TBC1D19: variants seen among roughly 807,000 people sequenced by gnomAD.
TBC1D19 encodes the protein TBC1 domain family member 19, also known as TBC1 domain family, member 19.
A neutral mutation model predicts 89.0 loss-of-function variants in TBC1D19; 60 were observed. That is an observed-to-expected ratio of 0.67 (90% CI 0.55 to 0.84). The LOEUF (loss-of-function observed/expected upper bound fraction) is 0.84. Ranked by LOEUF, TBC1D19 falls within the 40% of genes least tolerant of loss-of-function variation. TBC1D19 has a pLI of 0.00. For missense variants in TBC1D19, 500 were observed against 610.8 expected (o/e 0.82, Z 1.91); for synonymous variants, 189 against 199.7 (o/e 0.95, Z 0.45).
intron 15 of TBC1D19, among the ~76,000 whole-genome samples, chr4:26,725,966 A>G (rs943290449): frequency 6.6e-6 from 1 of 152,212 alleles, no homozygotes; most frequent in African/African-American, 2.4e-5. Flanking sequence ...AAAAATACAC[A>G]TGTATCTGAC....
chr4:26,765,165 G>A, the TBC1D19 span, among the ~76,000 whole-genome samples: 5 of 152,076 alleles, frequency 3.3e-5, no homozygotes, highest in Non-Finnish European at 5.9e-5. Flanking sequence ...GGATGGAGGC[G>A]GAAGAGTAGT....
chr4:26,799,082 A>G, the TBC1D19 span, among the ~76,000 whole-genome samples: 14 of 152,238 alleles, frequency 9.2e-5, no homozygotes, highest in Non-Finnish European at 1.9e-4. Flanking sequence ...AGGAGGAATT[A>G]GGTATTAAGT....
chr4:26,831,843 G>A, the TBC1D19 span, among the ~76,000 whole-genome samples: 10 of 151,916 alleles, frequency 6.6e-5, no homozygotes, highest in Admixed American at 3.3e-4. Context: ...TGCCCACCTC[G>A]GCAGATCAAA....
At chr4:26,652,583 G>T (rs554581793) in intron 7 of TBC1D19, among the ~76,000 whole-genome samples, 89 of 152,226 alleles carry the variant, frequency 5.8e-4, no homozygotes, top group African/African-American at 2.1e-3. Flanking sequence ...CTTCTTCCTG[G>T]TTTAGTCTTG....
At chr4:26,638,210 C>T (rs1743256556) in intron 5 of TBC1D19, among the ~76,000 whole-genome samples, 1 of 151,742 alleles carries the variant, frequency 6.6e-6, no homozygotes, top group South Asian at 2.1e-4. Context: ...ACTTCATTCT[C>T]CCTACCTGCT....
chr4:26,808,224 A>T, the TBC1D19 span, among the ~76,000 whole-genome samples: 12 of 152,344 alleles, frequency 7.9e-5, no homozygotes, highest in African/African-American at 2.9e-4. Context: ...AAGCAGAAGA[A>T]TATGGAATGT....
chr4:26,710,807 T>C (rs1369655743), intron 13 of TBC1D19, among the ~76,000 whole-genome samples: 1 of 152,146 alleles, frequency 6.6e-6, no homozygotes, highest in Non-Finnish European at 1.5e-5. Context: ...TCATGTGTGT[T>C]TTGGCTGCCT....
chr4:26,658,417 G>T (rs972583756), intron 7 of TBC1D19, among the ~76,000 whole-genome samples: 1 of 152,102 alleles, frequency 6.6e-6, no homozygotes, highest in Non-Finnish European at 1.5e-5. Context: ...TGTTGTTTTG[G>T]TGGCCTCTGT....
At chr4:26,729,846 A>G (rs1013641223) in intron 15 of TBC1D19, among the ~76,000 whole-genome samples, 3 of 152,214 alleles carry the variant, frequency 2.0e-5, no homozygotes, top group Admixed American at 1.3e-4. Flanking sequence ...TGTCATATTT[A>G]TTTTAATATC....
chr4:26,742,064 G>A (rs1055019928), intron 17 of TBC1D19, among the ~76,000 whole-genome samples: 4 of 152,176 alleles, frequency 2.6e-5, no homozygotes, highest in African/African-American at 4.8e-5. Flanking sequence ...GAGTGAGGCT[G>A]GAGGGGAAGG....
At chr4:26,662,444 T>G (rs571060565) in intron 8 of TBC1D19, among the ~76,000 whole-genome samples, 4 of 152,258 alleles carry the variant, frequency 2.6e-5, no homozygotes, top group Non-Finnish European at 5.9e-5. Context: ...GGGAAAAGAT[T>G]TCTTAAATTA....
chr4:26,635,697 A>G (rs1220408163), intron 4 of TBC1D19, among the ~76,000 whole-genome samples: 1 of 152,122 alleles, frequency 6.6e-6, no homozygotes, highest in Non-Finnish European at 1.5e-5. Flanking sequence ...AGCATCTATT[A>G]TGTGCTAGAC....
chr4:26,798,370 A>T, the TBC1D19 span, among the ~76,000 whole-genome samples: 2 of 152,234 alleles, frequency 1.3e-5, no homozygotes, highest in Non-Finnish European at 2.9e-5. Flanking sequence ...TACACCAGTC[A>T]GAATGGCTAT....
intron 5 of TBC1D19, among the ~76,000 whole-genome samples, chr4:26,637,518 C>G (rs1006191603): frequency 2.0e-5 from 3 of 152,040 alleles, no homozygotes; most frequent in African/African-American, 7.2e-5. Flanking sequence ...ACTACAGGCA[C>G]CCGCCACCAG....
chr4:26,812,787 T>C, the TBC1D19 span, among the ~76,000 whole-genome samples: 1 of 149,578 alleles, frequency 6.7e-6, no homozygotes, highest in South Asian at 2.1e-4. The surrounding 1 kb of genome is among the most constrained non-coding windows in gnomAD (Gnocchi z 4.2). Flanking sequence ...AATACATATA[T>C]ACATATATAA....
At chr4:26,706,946 T>C (rs1294060671) in intron 13 of TBC1D19, among the ~76,000 whole-genome samples, 1 of 152,096 alleles carries the variant, frequency 6.6e-6, no homozygotes, top group Admixed American at 6.6e-5. Flanking sequence ...AGTGACCTAA[T>C]ATATGATCTA....
intron 13 of TBC1D19, among the ~76,000 whole-genome samples, chr4:26,696,623 G>T (rs1714808084): frequency 6.6e-6 from 1 of 152,138 alleles, no homozygotes; most frequent in Non-Finnish European, 1.5e-5. Flanking sequence ...GCACTCCTCA[G>T]CAAACGTAAA....
chr4:26,646,522 T>C (rs966083990), intron 7 of TBC1D19, among the ~76,000 whole-genome samples: 2 of 152,234 alleles, frequency 1.3e-5, no homozygotes, highest in Non-Finnish European at 2.9e-5. Context: ...GATATGTTTA[T>C]TGCGGTACTA....
the TBC1D19 span, among the ~76,000 whole-genome samples, chr4:26,834,686 A>G: frequency 7.2e-3 from 1,094 of 152,036 alleles, 6 homozygotes; most frequent in Admixed American, 0.015. Flanking sequence ...CTTTCTGGCT[A>G]CTCGTTTTCA....
Sources: gnomAD v4.1 joint callset for allele counts (sites outside exome capture counted in the v4.1 genomes callset) on GRCh38, gnomAD v4.1.1 for gene constraint, Gnocchi (gnomAD v3.1) non-coding constraint, MANE v1.5 for transcripts, NCBI Gene and HGNC (gene_info 2026-07-23, HGNC 2026-07-21) for gene names.